Variants in SLC3A1 observed in about 807,000 individuals in gnomAD.
The protein encoded by SLC3A1 is solute carrier family 3 member 1.
Under a neutral mutation model 60.3 loss-of-function variants are expected in SLC3A1, and 78 were observed. That is an observed-to-expected ratio of 1.29 (90% CI 1.08 to 1.56). The LOEUF is 1.56. Ranked by LOEUF, SLC3A1 falls within the 40% of genes most tolerant of loss-of-function variation. SLC3A1 has a pLI of 0.00. For missense variants in SLC3A1, 1,172 were observed against 858.9 expected (o/e 1.36, Z -4.56); for synonymous variants, 392 against 307.9 (o/e 1.27, Z -2.86).
chr2:44,316,873 AT>A (rs748596660), intron 9 of SLC3A1, among the ~76,000 whole-genome samples: 5 of 152,366 alleles, frequency 3.3e-5, no homozygotes, highest in African/African-American at 9.6e-5. Context: ...TCAAGGGACT[AT>A]CCAACAAAAC....
chr2:44,313,890 T>G lies in SLC3A1; in HGVS notation c.1556T>G (p.Phe519Cys). 1 of 1,614,126 alleles carries G rather than the reference T, an allele frequency of 6.2e-7. No homozygotes were observed. The highest frequency in any genetic ancestry group is 8.5e-7 in the Non-Finnish European group (1 of 1,179,984). ...MQWDNSSNAG[F>C]SEASNTWLPT... ...TGGGACAATAGTTCAAATGCTGGTT[T>G]TTCTGAAGCTAGTAACACCTGGTTA... The change falls in exon 9 of 10, where the codon TTT (phenylalanine) becomes TGT (cysteine). Residue 519 changes from phenylalanine to cysteine, a missense_variant. By Grantham distance (205) the Phe-to-Cys change is radical. Transcript: ENST00000260649.
intron 4 of SLC3A1, among the ~76,000 whole-genome samples, chr2:44,291,298 C>T (rs1241780021): frequency 2.0e-5 from 3 of 152,102 alleles, no homozygotes; most frequent in Non-Finnish European, 4.4e-5. Flanking sequence ...CTCCTTGTGG[C>T]AATAGTGATG....
At chr2:44,308,745 T>A (rs77797850) in intron 7 of SLC3A1, among the ~76,000 whole-genome samples, 14 of 152,084 alleles carry the variant, frequency 9.2e-5, no homozygotes, top group Admixed American at 3.3e-4. Flanking sequence ...TTTTTTTTTT[T>A]AATTTGAGGC....
rs796262035 is a variant in SLC3A1 at position 44,301,128 on chromosome 2, GT to G, written c.1136+3del. ...ACAGCACGGAGCCCGGCAGATACAG[GT>G]TGACCACGGCATATGCTCTCATTTC... On this transcript the variant is annotated splice_donor_variant, in intron 6 of 9. Transcript: ENST00000260649. LOFTEE classifies it high-confidence loss of function. The G allele has an allele frequency of 0.1, 161,283 of 1,613,908 alleles. 9,573 individuals carry two copies. Among genetic ancestry groups the G allele is most frequent in the African/African-American group, 0.25 (18,646 of 74,948 alleles).
At chr2:44,318,441 T>C (rs1672621764) in intron 9 of SLC3A1, 1 of 176,380 alleles carries the variant, frequency 5.7e-6, no homozygotes, top group Admixed American at 5.9e-5. Context: ...AAATATTTTA[T>C]CAACAGAAAA....
chr2:44,310,052 C>G (rs1033548622), intron 7 of SLC3A1, among the ~76,000 whole-genome samples: 2 of 152,046 alleles, frequency 1.3e-5, no homozygotes, highest in African/African-American at 2.4e-5. Context: ...TACCACCATA[C>G]CTGGATAATT....
chr2:44,313,735 G>C lies in SLC3A1; in HGVS notation c.1501-100G>C, dbSNP rs572761570. ...GCTAATGAGTACAAACACTAGCTAAGAACTATGGGGAATTAAATAATTATG... is the reference window on the plus strand; with the variant it reads ...GCTAATGAGTACAAACACTAGCTAACAACTATGGGGAATTAAATAATTATG... On this transcript the variant is annotated intron_variant, in intron 8 of 9. Coordinates refer to ENST00000260649, the MANE Select transcript of SLC3A1 (RefSeq NM_000341.4). 1.8e-4 allele frequency: 176 copies of C among 999,150 alleles called. 1 individual carries two copies. In the South Asian group the frequency reaches 2.2e-3, roughly 13 times the overall value. 61.9% of individuals were successfully genotyped at this position (999,150 alleles called of 1,614,324 possible). A position where few individuals can be genotyped will look rare whatever the true frequency, so the allele number is the denominator to read the frequency against.
At chr2:44,299,347 C>T (rs183583463) in intron 4 of SLC3A1, among the ~76,000 whole-genome samples, 2 of 152,148 alleles carry the variant, frequency 1.3e-5, no homozygotes, top group Admixed American at 1.3e-4. Flanking sequence ...CCCATTTCAT[C>T]TTTTATTATC....
chr2:44,297,026 A>C (rs1278761348), intron 4 of SLC3A1, among the ~76,000 whole-genome samples: 2 of 152,202 alleles, frequency 1.3e-5, no homozygotes, highest in Non-Finnish European at 2.9e-5. Flanking sequence ...CAAATTACCC[A>C]GTCTTAGATA....
chr2:44,302,122 G>T (rs1353405608), intron 6 of SLC3A1, among the ~76,000 whole-genome samples: 1 of 152,148 alleles, frequency 6.6e-6, no homozygotes, highest in Non-Finnish European at 1.5e-5. Flanking sequence ...TGGATCTATA[G>T]TTTCCTAGTA....
intron 6 of SLC3A1, among the ~76,000 whole-genome samples, chr2:44,302,733 A>C (rs1672046337): frequency 6.6e-6 from 1 of 152,248 alleles, no homozygotes; most frequent in South Asian, 2.1e-4. Context: ...ACAAGGGGGA[A>C]GTTCTTTTGA....
chr2:44,279,370 T>A (rs1475258002), intron 1 of SLC3A1, among the ~76,000 whole-genome samples: 1 of 152,068 alleles, frequency 6.6e-6, no homozygotes, highest in East Asian at 1.9e-4. Flanking sequence ...CTGGAAGCCC[T>A]TCACTCTGAT....
rs111937406 is a variant in SLC3A1, at chr2:44,279,003, A to AT, written c.431-1700dup. On this transcript the variant is annotated intron_variant, in intron 1 of 9. Coordinates refer to ENST00000260649, the MANE Select transcript of SLC3A1 (RefSeq NM_000341.4). ...ATTTACTTATTTATTTATATTTATT[A>AT]TTTTTTTTTTTTTGAGATGGAGTCT... Among the ~76,000 whole-genome samples the AT allele has an allele frequency of 3.2e-3, 457 of 145,030 alleles. 2 individuals are homozygous for AT. The highest frequency in any genetic ancestry group is 0.017 in the East Asian group (84 of 4,960).
intron 7 of SLC3A1, among the ~76,000 whole-genome samples, chr2:44,310,140 C>T (rs1393992869): frequency 6.6e-5 from 10 of 151,828 alleles, no homozygotes; most frequent in Admixed American, 6.6e-4. Flanking sequence ...GTGATCTTCC[C>T]ACCTTGGCCC....
rs770970062 is a variant in SLC3A1 at position 44,275,799 on chromosome 2, C to T, written c.264C>T (p.Ile88=). ...GQARYRIPRE[I]LFWLTVASVL... is the part of the protein sequence containing the mutation. Reference sequence around the variant, plus strand: ...CCCGCTACCGCATACCTCGGGAGATCCTCTTCTGGCTCACAGTGGCTTCTG... The same window carrying T: ...CCCGCTACCGCATACCTCGGGAGATTCTCTTCTGGCTCACAGTGGCTTCTG... Residue 88 remains isoleucine (I), a synonymous_variant, in exon 1 of 10, where the codon ATC becomes ATT. Coordinates refer to ENST00000260649, the MANE Select transcript of SLC3A1 (RefSeq NM_000341.4). 11 of 1,614,150 alleles carry T rather than the reference C, an allele frequency of 6.8e-6. No individual in the cohort carries two copies. In the Admixed American group the frequency reaches 1.7e-4, roughly 24 times the overall value.
intron 4 of SLC3A1, among the ~76,000 whole-genome samples, chr2:44,294,699 C>A (rs1387168301): frequency 6.6e-6 from 1 of 152,052 alleles, no homozygotes; most frequent in Non-Finnish European, 1.5e-5. Flanking sequence ...AGTCCTTGAT[C>A]TTTCCTCTAC....
chr2:44,278,271 C>T lies in SLC3A1; in HGVS notation c.430+2306C>T, dbSNP rs551890562. Among the ~76,000 whole-genome samples, 18 of 151,642 alleles carry T rather than the reference C, an allele frequency of 1.2e-4. No individual in the cohort carries two copies. The East Asian group carries it at 1.6e-3, about 13-fold the overall frequency. On this transcript the variant is annotated intron_variant, in intron 1 of 9. Transcript: ENST00000260649. ...CATCCTGGCTAACACGGTGAAACCC[C>T]GTCTCTACTAAAAAAATACAAAAAA... is the stretch of plus-strand genomic sequence containing the variant.
At chr2:44,307,411 T>C (rs1672184894) in intron 7 of SLC3A1, among the ~76,000 whole-genome samples, 1 of 152,206 alleles carries the variant, frequency 6.6e-6, no homozygotes. Flanking sequence ...TTTGAGGAAC[T>C]GCCAAACTGT....
At chr2:44,314,020 C>G (rs749825782) in intron 9 of SLC3A1, 69 bp downstream of exon 9, 1 of 1,606,446 alleles carries the variant, frequency 6.2e-7, no homozygotes, top group African/African-American at 1.3e-5. Flanking sequence ...AAAGTACACA[C>G]TCACCCTGAA....
Sources: gnomAD v4.1 joint callset for allele counts (sites outside exome capture counted in the v4.1 genomes callset) on GRCh38, gnomAD v4.1.1 for gene constraint, MANE v1.5 for transcripts, NCBI Gene and HGNC (gene_info 2026-07-23, HGNC 2026-07-21) for gene names.